Variants in ARSG observed in about 807,000 individuals in gnomAD.
ARSG encodes the protein ASG.
ARSG carries 37 observed loss-of-function variants against 50.5 expected under a neutral mutation model. The ratio of observed to expected loss-of-function variants is 0.73; its 90% CI spans 0.56 to 0.96. The LOEUF is 0.96. Ranked by LOEUF, ARSG falls within the 50% of genes least tolerant of loss-of-function variation. The pLI is 0.00. For missense variants in ARSG, 629 were observed against 675.3 expected, an observed-to-expected ratio of 0.93 and a Z score of 0.76; for synonymous variants, 225 against 254.6, an observed-to-expected ratio of 0.88 and a Z score of 1.11.
chr17:68,309,893 T>G (rs538879885), intron 2 of ARSG, among the ~76,000 whole-genome samples: 59 of 150,808 alleles, frequency 3.9e-4, no homozygotes, highest in East Asian at 1.4e-3. Flanking sequence ...AGTAAATAAA[T>G]AAAGAAAGAA....
At chr17:68,277,382 G>T (rs782246397) in intron 1 of ARSG, among the ~76,000 whole-genome samples, 4 of 151,722 alleles carry the variant, frequency 2.6e-5, no homozygotes, top group African/African-American at 9.7e-5. Flanking sequence ...CACCTGCCTC[G>T]GCTTTCCAAA....
At chr17:68,448,969 T>C in the ARSG span, among the ~76,000 whole-genome samples, 1 of 152,234 alleles carries the variant, frequency 6.6e-6, no homozygotes, top group Non-Finnish European at 1.5e-5. Context: ...CAGCTATTTT[T>C]CACCGCACTG....
chr17:68,309,589 G>A (rs2076764470), intron 2 of ARSG, among the ~76,000 whole-genome samples: 3 of 152,176 alleles, frequency 2.0e-5, no homozygotes, highest in African/African-American at 7.2e-5. Context: ...AATAGGCTGG[G>A]TGCAGTGGCT....
chr17:68,279,828 C>A (rs183238513), intron 1 of ARSG, among the ~76,000 whole-genome samples: 1 of 152,230 alleles, frequency 6.6e-6, no homozygotes, highest in African/African-American at 2.4e-5. Context: ...TTAATGATAT[C>A]TATAATAATC....
intron 4 of ARSG, among the ~76,000 whole-genome samples, chr17:68,350,722 T>G (rs2078720179): frequency 6.6e-6 from 1 of 152,078 alleles, no homozygotes; most frequent in Admixed American, 6.6e-5. Flanking sequence ...GAGGCGGAGC[T>G]TGCATTGAGC....
At chr17:68,426,239 G>C, downstream of ARSG, 1 of 1,170,184 alleles carries the variant, frequency 8.5e-7, no homozygotes, top group Non-Finnish European at 1.2e-6. Context: ...ATGACCTGGC[G>C]GGTGGGGAGC....
upstream of ARSG, among the ~76,000 whole-genome samples, chr17:68,287,126 G>A (rs1021804553): frequency 6.6e-6 from 1 of 152,140 alleles, no homozygotes; most frequent in Non-Finnish European, 1.5e-5. Flanking sequence ...TGGGATTACA[G>A]GCATGCGCCA....
intron 1 of ARSG, among the ~76,000 whole-genome samples, chr17:68,279,673 C>G (rs914315808): frequency 3.5e-4 from 53 of 152,314 alleles, no homozygotes; most frequent in African/African-American, 1.1e-3. Flanking sequence ...CCTGTCTTAA[C>G]ACTTCTAAGG....
intron 2 of ARSG, among the ~76,000 whole-genome samples, chr17:68,322,527 G>T (rs923777885): frequency 6.6e-6 from 1 of 152,146 alleles, no homozygotes; most frequent in African/African-American, 2.4e-5. Flanking sequence ...TGAGGCAGGA[G>T]AATTGCTTGA....
At position 68,367,161 on chromosome 17, in the gene ARSG, A is replaced by G. The variant is rs1443729682; in HGVS notation, c.705-1387A>G. Among the ~76,000 whole-genome samples the G allele has an allele frequency of 1.3e-5, 2 of 152,208 alleles. No homozygotes were observed. The highest frequency in any genetic ancestry group is 4.8e-5 in the African/African-American group (2 of 41,456). On this transcript the variant is annotated intron_variant, in intron 6 of 11. Transcript: ENST00000621439. The surrounding 1 kb of genome is among the most constrained non-coding windows in gnomAD (Gnocchi z 4.5). The stretch of plus-strand genomic sequence containing the variant: ...TGCCCTGAACAACACAACTCTAGCA[A>G]TGTTGCAGAGAAAGTGTGGATTAAA...
Position 68,395,181 on chromosome 17 carries a change from G to A in ARSG, c.1200G>A (p.Gln400=). The A allele has an allele frequency of 6.2e-7, 1 of 1,614,038 alleles. No individual in the cohort carries two copies. Among genetic ancestry groups the A allele is most frequent in the East Asian group, 2.2e-5 (1 of 44,880 alleles). ...CCGAGGTGCTCTTTGGCCGGTCACA[G>A]CCTGGGCACAGGGTAAGTGGAGGAG... The part of the protein sequence containing the change: ...DVSEVLFGRS[Q]PGHRVLFHPN... The change falls in exon 10 of 12, where the codon CAG becomes CAA. Residue 400 remains glutamine (Q), a synonymous_variant. Transcript: ENST00000621439.
chr17:68,436,423 G>A, the ARSG span: 2 of 1,614,072 alleles, frequency 1.2e-6, no homozygotes, highest in Non-Finnish European at 1.7e-6. Context: ...CCTGAAGTCA[G>A]GCTTCCAGGA....
chr17:68,317,432 T>C (rs561071821), intron 2 of ARSG, among the ~76,000 whole-genome samples: 3 of 152,242 alleles, frequency 2.0e-5, no homozygotes, highest in South Asian at 2.1e-4. Context: ...AGCTCAAAGA[T>C]TGACTACATG....
intron 2 of ARSG, among the ~76,000 whole-genome samples, chr17:68,326,930 C>T (rs941779466): frequency 1.3e-5 from 2 of 152,144 alleles, no homozygotes; most frequent in African/African-American, 4.8e-5. Flanking sequence ...AGTGGATGCT[C>T]TACAGCAAAA....
At chr17:68,356,429 T>C (rs2079034671) in intron 5 of ARSG, among the ~76,000 whole-genome samples, 1 of 151,980 alleles carries the variant, frequency 6.6e-6, no homozygotes, top group African/African-American at 2.4e-5. Context: ...CTCACGAGAG[T>C]CTTTGCAAGC....
chr17:68,261,888 C>T (rs187110717), intron 1 of ARSG, among the ~76,000 whole-genome samples: 3 of 152,016 alleles, frequency 2.0e-5, no homozygotes, highest in African/African-American at 7.2e-5. Flanking sequence ...CGTGGTGGCT[C>T]ACACCTGTAA....
chr17:68,389,251 C>T (rs2080880134), intron 9 of ARSG, among the ~76,000 whole-genome samples: 1 of 152,206 alleles, frequency 6.6e-6, no homozygotes, highest in South Asian at 2.1e-4. Context: ...CTCTTGGCAG[C>T]TCTCTTTACT....
intron 1 of ARSG, among the ~76,000 whole-genome samples, chr17:68,266,281 GAATT>G (rs1384889022): frequency 6.6e-6 from 1 of 150,510 alleles, no homozygotes; most frequent in African/African-American, 2.4e-5. Context: ...TACTTCCCTT[GAATT>G]ATTTAGTCTT....
chr17:68,343,681 G>C lies in ARSG; in HGVS notation c.296G>C (p.Arg99Pro), dbSNP rs756314416. The stretch of plus-strand genomic sequence containing the variant: ...TTGCTCACCGGCCGGCTTGGCCTTC[G>C]CAATGGAGTCACACGCAACTTTGCA... ...ASLLTGRLGL[R>P]NGVTRNFAVT... Residue 99 changes from arginine (R) to proline (P), a missense_variant, in exon 3 of 12, where the codon CGC becomes CCC. Coordinates refer to ENST00000621439, the MANE Select transcript of ARSG (RefSeq NM_001267727.2). 3 of 1,614,134 alleles carry C rather than the reference G, an allele frequency of 1.9e-6. No individual in the cohort carries two copies. The highest frequency in any genetic ancestry group is 1.7e-6 in the Non-Finnish European group (2 of 1,180,008).
Sources: allele counts gnomAD v4.1 joint callset (sites outside exome capture counted in the v4.1 genomes callset), GRCh38; gene constraint gnomAD v4.1.1; non-coding constraint Gnocchi (gnomAD v3.1); transcripts MANE v1.5; gene names NCBI Gene and HGNC (gene_info 2026-07-23, HGNC 2026-07-21).